BACH2: variants seen among roughly 807,000 people sequenced by gnomAD.
BACH2 encodes BACH transcriptional regulator 2, also known as transcription regulator protein BACH2.
Under a neutral mutation model 61.8 loss-of-function variants are expected in BACH2, and 5 were observed. The observed-to-expected ratio is 0.08, with a 90% CI of 0.04 to 0.17. The LOEUF (loss-of-function observed/expected upper bound fraction) is 0.17. BACH2 is among the 10% of genes least tolerant of loss of function. The pLI is 1.00. For synonymous variants in BACH2, 446 were observed against 440.1 expected (o/e 1.01, Z -0.17); for missense variants, 824 against 1,091.1 (o/e 0.76, Z 3.45).
chr6:90,104,277 AGCTTGAAGGAGAG>A (rs1782802636), intron 4 of BACH2: 1 of 152,176 alleles, frequency 6.6e-6, no homozygotes, highest in Non-Finnish European at 1.5e-5. Flanking sequence ...ACAGGAACAA[AGCTTGAAGGAGAG>A]GCTGAACCAA....
intron 6 of BACH2, among the ~76,000 whole-genome samples, chr6:89,956,597 G>C (rs1270296014): frequency 1.3e-5 from 2 of 152,172 alleles, no homozygotes; most frequent in African/African-American, 4.8e-5. Flanking sequence ...TGTTTGCAAA[G>C]CTGGGGAGCT....
intron 4 of BACH2, among the ~76,000 whole-genome samples, chr6:90,123,765 G>C (rs1238897691): frequency 1.3e-5 from 1 of 78,586 alleles, no homozygotes; most frequent in South Asian, 4.7e-4. Flanking sequence ...GCGAGACTCC[G>C]TCTCAAAAAA....
At chr6:90,166,789 A>G (rs1318078586) in intron 4 of BACH2, among the ~76,000 whole-genome samples, 3 of 152,074 alleles carry the variant, frequency 2.0e-5, no homozygotes, top group Non-Finnish European at 4.4e-5. Context: ...CATCATTCTC[A>G]GCAAACTATT....
intron 2 of BACH2, among the ~76,000 whole-genome samples, chr6:90,263,110 A>T (rs1771216829): frequency 6.6e-6 from 1 of 152,216 alleles, no homozygotes; most frequent in Non-Finnish European, 1.5e-5. Context: ...GAAATAAAAG[A>T]CAAAATGTGT....
At chr6:90,293,354 A>T (rs1772240290) in intron 1 of BACH2, among the ~76,000 whole-genome samples, 1 of 152,192 alleles carries the variant, frequency 6.6e-6, no homozygotes, top group African/African-American at 2.4e-5. Context: ...GAGAGCCACT[A>T]GGGTCTCTTT....
chr6:90,046,673 G>A (rs1235415117), intron 5 of BACH2, among the ~76,000 whole-genome samples: 1 of 152,196 alleles, frequency 6.6e-6, no homozygotes. Context: ...TAAGGCAGGA[G>A]CACACTGGAG....
intron 1 of BACH2, among the ~76,000 whole-genome samples, chr6:90,272,808 C>T (rs1467209464): frequency 6.6e-6 from 1 of 152,160 alleles, no homozygotes; most frequent in Non-Finnish European, 1.5e-5. Flanking sequence ...CTCTTCTTTC[C>T]TAATGTTTCC....
chr6:90,274,901 G>T (rs1317888947), intron 1 of BACH2, among the ~76,000 whole-genome samples: 2 of 152,216 alleles, frequency 1.3e-5, no homozygotes, highest in Non-Finnish European at 2.9e-5. Context: ...CTGGTAGAGG[G>T]TGAGGACCAA....
Position 90,117,121 on chromosome 6 carries a change from GC to G in BACH2, c.-161-28013del, listed in dbSNP as rs369624983. On this transcript the variant is annotated intron_variant, in intron 4 of 8. Coordinates refer to ENST00000257749, the MANE Select transcript of BACH2 (RefSeq NM_021813.4). Reference sequence around the variant, plus strand: ...CTGGCCAACTTCTCAAGGTGCATGCGCCCAGCACTCTCAATAATCTTTCAAC... The same window carrying G: ...CTGGCCAACTTCTCAAGGTGCATGCGCCAGCACTCTCAATAATCTTTCAAC... 3.7e-4 allele frequency: 90 copies of G among 241,780 alleles called. 3 individuals carry two copies. Among genetic ancestry groups the G allele is most frequent in the African/African-American group, 2.0e-3 (87 of 44,490 alleles). 15.0% of individuals were successfully genotyped at this position (241,780 alleles called of 1,614,324 possible). A position where few individuals can be genotyped will look rare whatever the true frequency, so the allele number is the denominator to read the frequency against.
intron 4 of BACH2, among the ~76,000 whole-genome samples, chr6:90,159,344 G>A (rs74647003): frequency 2.7e-3 from 408 of 152,252 alleles, no homozygotes; most frequent in African/African-American, 9.5e-3. Flanking sequence ...TAAGACAACT[G>A]AATATGTGTT....
At chr6:90,123,545 C>T (rs1313712706) in intron 4 of BACH2, among the ~76,000 whole-genome samples, 1 of 151,492 alleles carries the variant, frequency 6.6e-6, no homozygotes, top group Admixed American at 6.6e-5. Flanking sequence ...CCGAGGCGGG[C>T]GGATCACGAG....
At chr6:90,063,543 G>A (rs1008363047) in intron 5 of BACH2, among the ~76,000 whole-genome samples, 9 of 152,262 alleles carry the variant, frequency 5.9e-5, no homozygotes, top group African/African-American at 2.2e-4. Flanking sequence ...AGACTTAGAG[G>A]TGACTTACAG....
chr6:90,224,234 A>T (rs1769835858), intron 3 of BACH2, among the ~76,000 whole-genome samples: 1 of 152,216 alleles, frequency 6.6e-6, no homozygotes, highest in Non-Finnish European at 1.5e-5. Flanking sequence ...TTTAAGGTAA[A>T]AGAGTATCCA....
At position 89,929,653 on chromosome 6, in the gene BACH2, A is replaced by C. The variant is rs549594141; in HGVS notation, c.*2755T>G. ...GTGGGTGGGAGGAAGGTGAGGTCTG[A>C]GTTAGGGTGGAGAGAAATAAAGAGG... On this transcript the variant is annotated 3_prime_UTR_variant, in exon 9 of 9. Transcript: ENST00000257749. The C allele has an allele frequency of 2.0e-5, 3 of 152,444 alleles. No individual in the cohort carries two copies. The South Asian group carries it at 6.2e-4, about 32-fold the overall frequency. The allele number at this position is 152,444 out of a possible 1,614,324, so 9.4% of individuals were successfully genotyped here.
chr6:89,936,974 A>G (rs1257144054), intron 8 of BACH2, among the ~76,000 whole-genome samples: 4 of 152,012 alleles, frequency 2.6e-5, no homozygotes, highest in Non-Finnish European at 5.9e-5. Context: ...AGAAAGGTGG[A>G]GCTGAAGGAG....
At chr6:90,274,961 A>G (rs1026815236) in intron 1 of BACH2, among the ~76,000 whole-genome samples, 5 of 152,210 alleles carry the variant, frequency 3.3e-5, no homozygotes, top group Non-Finnish European at 7.3e-5. Context: ...TTCAATGACA[A>G]ATGGAAACAT....
At chr6:90,140,437 G>A (rs929908517) in intron 4 of BACH2, among the ~76,000 whole-genome samples, 5 of 152,158 alleles carry the variant, frequency 3.3e-5, no homozygotes, top group Non-Finnish European at 5.9e-5. Context: ...CACAATTACA[G>A]TAAACTATAG....
chr6:90,059,088 C>T (rs1015168437), intron 5 of BACH2, among the ~76,000 whole-genome samples: 1 of 152,154 alleles, frequency 6.6e-6, no homozygotes, highest in Non-Finnish European at 1.5e-5. Flanking sequence ...TCTGAAACAC[C>T]AAAAGCAATG....
intron 6 of BACH2, among the ~76,000 whole-genome samples, chr6:89,952,756 C>T (rs1302197959): frequency 6.6e-6 from 1 of 152,218 alleles, no homozygotes; most frequent in Non-Finnish European, 1.5e-5. Context: ...TGAAAGTGTG[C>T]TATTTATGCA....
Sources: allele counts gnomAD v4.1 joint callset (sites outside exome capture counted in the v4.1 genomes callset), GRCh38; gene constraint gnomAD v4.1.1; transcripts MANE v1.5; gene names NCBI Gene and HGNC (gene_info 2026-07-23, HGNC 2026-07-21).